C9orf153: variants seen among roughly 807,000 people sequenced by gnomAD.
C9orf153 encodes the protein uncharacterized protein C9orf153.
Under a neutral mutation model 9.0 loss-of-function variants are expected in C9orf153, and 10 were observed. The observed-to-expected ratio is 1.11, with a 90% CI of 0.69 to 1.89. The LOEUF (loss-of-function observed/expected upper bound fraction) is 1.89, where lower values mean the gene tolerates loss of function less well. Among genes scored for constraint, C9orf153 ranks in the 40% most tolerant of loss-of-function variants. The probability of loss-of-function intolerance (pLI) is 0.00; values close to 1 mark genes in which losing one functional copy is unlikely to be tolerated. For synonymous variants in C9orf153, 35 were observed against 37.3 expected, an observed-to-expected ratio of 0.94 and a Z score of 0.23; for missense variants, 108 against 111.0, an observed-to-expected ratio of 0.97 and a Z score of 0.12.
At chr9:86,247,322 C>T (rs1824890631) in intron 1 of C9orf153, among the ~76,000 whole-genome samples, 1 of 152,080 alleles carries the variant, frequency 6.6e-6, no homozygotes, top group African/African-American at 2.4e-5. Context: ...TCATCTTTTT[C>T]TTGTGCACAT....
intron 3 of C9orf153, chr9:86,227,171 G>A (rs566364730): frequency 1.9e-6 from 1 of 534,414 alleles, no homozygotes; most frequent in East Asian, 4.1e-5. Context: ...TTTAGAGACA[G>A]GGTCTTGCTC....
At chr9:86,241,376 G>C (rs1824740531) in intron 1 of C9orf153, among the ~76,000 whole-genome samples, 1 of 152,162 alleles carries the variant, frequency 6.6e-6, no homozygotes, top group African/African-American at 2.4e-5. Context: ...CTTTTCTCCA[G>C]GTGGGGGATC....
chr9:86,258,745 T>C (rs1306629212), intron 1 of C9orf153: 3 of 152,180 alleles, frequency 2.0e-5, no homozygotes, highest in Non-Finnish European at 2.9e-5. Flanking sequence ...TTTAAAAATA[T>C]TAATATACTT....
intron 1 of C9orf153, among the ~76,000 whole-genome samples, chr9:86,255,367 T>C (rs1468020653): frequency 6.6e-6 from 1 of 152,194 alleles, no homozygotes; most frequent in Non-Finnish European, 1.5e-5. Context: ...CCTGCAAAGT[T>C]GTCTTTCGTG....
chr9:86,238,247 G>C (rs556436946), intron 1 of C9orf153, among the ~76,000 whole-genome samples: 1 of 152,246 alleles, frequency 6.6e-6, no homozygotes, highest in South Asian at 2.1e-4. Context: ...TATCAGTAAG[G>C]ACATAGTTGA....
intron 1 of C9orf153, among the ~76,000 whole-genome samples, chr9:86,240,707 C>CTTTTTTTTTTT (rs367674249): frequency 1.7e-5 from 2 of 117,012 alleles, no homozygotes; most frequent in African/African-American, 3.0e-5. Context: ...TTTTCTTTTT[C>CTTTTTTTTTTT]TTTTTTTTTT....
At chr9:86,247,262 C>G (rs1177788251) in intron 1 of C9orf153, among the ~76,000 whole-genome samples, 2 of 151,686 alleles carry the variant, frequency 1.3e-5, no homozygotes, top group East Asian at 1.9e-4. Context: ...TGAATGCTCT[C>G]TGTCTTTTTG....
In C9orf153 at chr9:86,220,333, T is replaced by C. The variant is rs1563994923; in HGVS notation, c.*1355A>G. The C allele has an allele frequency of 6.6e-6, 1 of 152,224 alleles. No homozygotes were observed. Among genetic ancestry groups the C allele is most frequent in the East Asian group, 1.9e-4 (1 of 5,198 alleles). The allele number at this position is 152,224 out of a possible 1,614,324, so 9.4% of individuals were successfully genotyped here. On this transcript the variant is annotated 3_prime_UTR_variant, in exon 4 of 4. Coordinates refer to ENST00000339137, the MANE Select transcript of C9orf153 (RefSeq NM_001276366.4). ...ATTGTTAACAATTTGCTTGCCATTA[T>C]TTCTTGCATTCCCTCTGGGTTCTTA...
intron 1 of C9orf153, among the ~76,000 whole-genome samples, chr9:86,255,133 T>G (rs1825089895): frequency 1.3e-5 from 2 of 152,148 alleles, no homozygotes; most frequent in Non-Finnish European, 2.9e-5. Flanking sequence ...TATTTAAATT[T>G]GCTCTTTTTT....
chr9:86,232,280 A>C (rs1824489767), intron 1 of C9orf153, among the ~76,000 whole-genome samples: 1 of 152,184 alleles, frequency 6.6e-6, no homozygotes, highest in African/African-American at 2.4e-5. Context: ...GAAACAGATC[A>C]CTAGCCGAAA....
intron 1 of C9orf153, among the ~76,000 whole-genome samples, chr9:86,259,305 G>A (rs1157351216): frequency 6.6e-6 from 1 of 152,186 alleles, no homozygotes; most frequent in Non-Finnish European, 1.5e-5. Flanking sequence ...GGATGAGGGA[G>A]TCTGCAGGCT....
intron 3 of C9orf153, among the ~76,000 whole-genome samples, chr9:86,224,870 G>A (rs1039496037): frequency 2.7e-5 from 4 of 149,782 alleles, no homozygotes; most frequent in African/African-American, 9.9e-5. Context: ...GAACCTGGGA[G>A]GCAGAGGTAG....
intron 1 of C9orf153, among the ~76,000 whole-genome samples, chr9:86,239,986 CTT>C (rs1824695677): frequency 6.6e-6 from 1 of 152,134 alleles, no homozygotes; most frequent in African/African-American, 2.4e-5. Flanking sequence ...CATTATGTGT[CTT>C]ATAGATAATG....
chr9:86,257,937 G>T (rs747704695), intron 1 of C9orf153, among the ~76,000 whole-genome samples: 5 of 152,216 alleles, frequency 3.3e-5, no homozygotes, highest in Admixed American at 1.3e-4. Flanking sequence ...CTAACGTGGA[G>T]GGGGAGAGAG....
chr9:86,238,215 T>C (rs1824645589), intron 1 of C9orf153, among the ~76,000 whole-genome samples: 1 of 152,052 alleles, frequency 6.6e-6, no homozygotes, highest in South Asian at 2.1e-4. Flanking sequence ...CTATCGAAAA[T>C]GGACAGATCC....
At chr9:86,224,394 A>G (rs1242069526) in intron 3 of C9orf153, among the ~76,000 whole-genome samples, 1 of 152,090 alleles carries the variant, frequency 6.6e-6, no homozygotes, top group East Asian at 1.9e-4. Context: ...AAAAATTAAA[A>G]TTGAAGTAAA....
chr9:86,222,647 C>T (rs545554363), intron 3 of C9orf153, among the ~76,000 whole-genome samples: 1 of 152,212 alleles, frequency 6.6e-6, no homozygotes, highest in Admixed American at 6.5e-5. Flanking sequence ...CCACCAGCAG[C>T]GATTCCCCTC....
chr9:86,244,312 G>C (rs1824817865), intron 1 of C9orf153, among the ~76,000 whole-genome samples: 1 of 152,102 alleles, frequency 6.6e-6, no homozygotes, highest in African/African-American at 2.4e-5. Context: ...GGCCTCACAT[G>C]ATCCTCCCAC....
At chr9:86,251,713 G>A (rs1407998590) in intron 1 of C9orf153, among the ~76,000 whole-genome samples, 3 of 151,882 alleles carry the variant, frequency 2.0e-5, no homozygotes, top group African/African-American at 4.8e-5. Context: ...AATTGTAAGA[G>A]GTTATAAAAG....
Sources: allele counts gnomAD v4.1 joint callset (sites outside exome capture counted in the v4.1 genomes callset), GRCh38; gene constraint gnomAD v4.1.1; transcripts MANE v1.5; gene names NCBI Gene and HGNC (gene_info 2026-07-23, HGNC 2026-07-21).